EPB41L4B: variants seen among roughly 807,000 people sequenced by gnomAD.
EPB41L4B encodes the protein band 4.1-like protein 4B.
Under a neutral mutation model 112.5 loss-of-function variants are expected in EPB41L4B, and 30 were observed. The observed-to-expected ratio is 0.27, with a 90% CI of 0.20 to 0.36. The LOEUF is 0.36. Ranked by LOEUF, EPB41L4B falls within the 10% of genes least tolerant of loss-of-function variation. EPB41L4B has a pLI of 1.00. For synonymous variants in EPB41L4B, 408 were observed against 439.7 expected (o/e 0.93, Z 0.90); for missense variants, 1,024 against 1,133.3 (o/e 0.90, Z 1.38).
At chr9:109,256,299 C>T in intron 8 of EPB41L4B, 75 bp from the exon 9 acceptor site, 1 of 1,585,796 alleles carries the variant, frequency 6.3e-7, no homozygotes. Context: ...AATGCAAAAA[C>T]AGTTTCCTCA....
chr9:109,185,357 G>A lies in EPB41L4B; in HGVS notation c.2418+132C>T, dbSNP rs1832214868. 9.7e-6 allele frequency: 7 copies of A among 720,004 alleles called. No individual in the cohort carries two copies. In the East Asian group the frequency reaches 1.6e-4, roughly 16 times the overall value. The allele number at this position is 720,004 out of a possible 1,614,324, so 44.6% of individuals were successfully genotyped here. A position where few individuals can be genotyped will look rare whatever the true frequency, so the allele number is the denominator to read the frequency against. On this transcript the variant is annotated intron_variant, in intron 23 of 25. Coordinates refer to ENST00000374566, the MANE Select transcript of EPB41L4B (RefSeq NM_019114.5). ...TCCAAATCCTCCATCCATCTGGAGT[G>A]AGGGCACCTGTCGATGGGCTCTGCC...
At chr9:109,250,143 T>C (rs538881004) in intron 13 of EPB41L4B, among the ~76,000 whole-genome samples, 6 of 152,208 alleles carry the variant, frequency 3.9e-5, no homozygotes, top group African/African-American at 1.4e-4. Flanking sequence ...TTCTAGAGGG[T>C]GAAAATCAGA....
At chr9:109,306,936 C>T (rs928041557) in intron 1 of EPB41L4B, among the ~76,000 whole-genome samples, 9 of 152,010 alleles carry the variant, frequency 5.9e-5, no homozygotes, top group African/African-American at 2.2e-4. Context: ...TAAATGAGCT[C>T]CTTTAGAGCA....
intron 24 of EPB41L4B, among the ~76,000 whole-genome samples, chr9:109,179,378 A>G (rs1831969659): frequency 6.6e-6 from 1 of 152,202 alleles, no homozygotes; most frequent in Admixed American, 6.5e-5. Flanking sequence ...AACCTGCAGA[A>G]AGTTCAAGTG....
At position 109,181,208 on chromosome 9, in the gene EPB41L4B, C is replaced by T. The variant is rs1222542210; in HGVS notation, c.2487+1521G>A. Among the ~76,000 whole-genome samples, 13 of 151,952 alleles carry T rather than the reference C, an allele frequency of 8.6e-5. 1 individual carries two copies. Among genetic ancestry groups the T allele is most frequent in the Admixed American group, 8.5e-4 (13 of 15,250 alleles). ...GTAGGGACAGGGTCTCTCTATGTTG[C>T]CCAGGTTGATCTCGAACTTCTGGTC... On this transcript the variant is annotated intron_variant, in intron 24 of 25. Transcript: ENST00000374566.
At chr9:109,251,097 G>A (rs1834771722) in intron 13 of EPB41L4B, among the ~76,000 whole-genome samples, 2 of 152,218 alleles carry the variant, frequency 1.3e-5, no homozygotes, top group South Asian at 2.1e-4. Context: ...AAACCTGCAC[G>A]TCACTGAGCA....
At position 109,176,538 on chromosome 9, in the gene EPB41L4B, T is replaced by A; in HGVS notation, c.2633+13A>T. ...ACCAGAATTACCTGTCGGAACCTGCTGACCTGACCTACCTGGCTGCCAGAG... is the reference window on the plus strand; with the variant it reads ...ACCAGAATTACCTGTCGGAACCTGCAGACCTGACCTACCTGGCTGCCAGAG... On this transcript the variant is annotated intron_variant, in intron 25 of 25. Transcript: ENST00000374566. The A allele has an allele frequency of 6.3e-7, 1 of 1,598,258 alleles. No individual in the cohort carries two copies. Among genetic ancestry groups the A allele is most frequent in the Non-Finnish European group, 8.5e-7 (1 of 1,172,174 alleles).
chr9:109,239,980 A>G, intron 15 of EPB41L4B: 1 of 985,438 alleles, frequency 1.0e-6, no homozygotes. Flanking sequence ...CTGTGCCTAT[A>G]AGATCCACTC....
At chr9:109,318,434 C>A (rs114851662) in intron 1 of EPB41L4B, among the ~76,000 whole-genome samples, 1,819 of 152,270 alleles carry the variant, frequency 0.012, 43 homozygotes, top group African/African-American at 0.042. Context: ...TCACCATGCA[C>A]ACCACTTAAG....
intron 22 of EPB41L4B, 70 bp from the exon 23 acceptor site, chr9:109,185,675 G>A (rs1832234888): frequency 1.6e-6 from 2 of 1,227,154 alleles, no homozygotes; most frequent in African/African-American, 3.0e-5. Flanking sequence ...GAGGAGGTAG[G>A]GGAAGGGAAA....
At chr9:109,281,457 A>G (rs1233455947) in intron 1 of EPB41L4B, among the ~76,000 whole-genome samples, 2 of 152,140 alleles carry the variant, frequency 1.3e-5, no homozygotes, top group African/African-American at 2.4e-5. Context: ...AATCCCCACA[A>G]TTTGGGAGTC....
rs1279102986 is a variant in EPB41L4B at position 109,233,529 on chromosome 9, C to CTT, written c.1409+10087_1409+10088dup. On this transcript the variant is annotated intron_variant, in intron 15 of 25. Coordinates refer to ENST00000374566, the MANE Select transcript of EPB41L4B (RefSeq NM_019114.5). ...TGTTACCTGAATTTCTGGGAACCTACTTTTTTTTTTTTTTTTTTTGAGATG... is the reference window on the plus strand; with the variant it reads ...TGTTACCTGAATTTCTGGGAACCTACTTTTTTTTTTTTTTTTTTTTTGAGATG... 1.7e-3 allele frequency among the ~76,000 whole-genome samples: 223 copies of CTT among 132,650 alleles called. 4 individuals are homozygous for CTT. Among genetic ancestry groups the CTT allele is most frequent in the African/African-American group, 4.7e-3 (159 of 34,134 alleles). The allele number at this position is 132,650 out of a possible 152,430, so 87.0% of individuals were successfully genotyped here.
chr9:109,250,025 G>A (rs1834722567), intron 13 of EPB41L4B, among the ~76,000 whole-genome samples: 1 of 152,182 alleles, frequency 6.6e-6, no homozygotes, highest in South Asian at 2.1e-4. Context: ...GGGGTGGGAG[G>A]AGTGGCAGAA....
At chr9:109,310,562 C>T (rs56171945) in intron 1 of EPB41L4B, among the ~76,000 whole-genome samples, 1 of 152,182 alleles carries the variant, frequency 6.6e-6, no homozygotes, top group Admixed American at 6.5e-5. Context: ...CACTGCGCAA[C>T]TCAGACAAAA....
chr9:109,252,605 C>T (rs1834830709), intron 12 of EPB41L4B, among the ~76,000 whole-genome samples: 1 of 152,116 alleles, frequency 6.6e-6, no homozygotes, highest in Admixed American at 6.5e-5. Flanking sequence ...AGTAGAGGTA[C>T]CAAGTCCCAT....
chr9:109,192,566 G>C (rs930503408), intron 21 of EPB41L4B, among the ~76,000 whole-genome samples: 1 of 152,214 alleles, frequency 6.6e-6, no homozygotes, highest in African/African-American at 2.4e-5. Context: ...ATGGTGCAGA[G>C]AGCTGTCCCT....
At chr9:109,301,427 A>G (rs1836961482) in intron 1 of EPB41L4B, among the ~76,000 whole-genome samples, 1 of 152,130 alleles carries the variant, frequency 6.6e-6, no homozygotes. Flanking sequence ...ACTTTGACAA[A>G]TGGACTGGTG....
chr9:109,222,866 T>C (rs908288601), intron 15 of EPB41L4B, among the ~76,000 whole-genome samples: 2 of 152,182 alleles, frequency 1.3e-5, no homozygotes, highest in Non-Finnish European at 2.9e-5. Context: ...AAGGGAGTAA[T>C]GTGCCCTGTT....
chr9:109,274,044 T>C (rs967661664), intron 2 of EPB41L4B, among the ~76,000 whole-genome samples: 2 of 152,144 alleles, frequency 1.3e-5, no homozygotes, highest in African/African-American at 4.8e-5. Flanking sequence ...GCAGGCGCCA[T>C]ATCTATGTAC....
Sources: gnomAD v4.1 joint callset for allele counts (sites outside exome capture counted in the v4.1 genomes callset) on GRCh38, gnomAD v4.1.1 for gene constraint, MANE v1.5 for transcripts, NCBI Gene and HGNC (gene_info 2026-07-23, HGNC 2026-07-21) for gene names.